The following CCT3 variants were observed in gnomAD, a reference collection of about 807,000 sequenced individuals.
The protein encoded by CCT3 is T-complex protein 1 subunit gamma.
A neutral mutation model predicts 65.3 loss-of-function variants in CCT3; 10 were observed. The ratio of observed to expected loss-of-function variants is 0.15; its 90% CI spans 0.09 to 0.26. The LOEUF (loss-of-function observed/expected upper bound fraction) is 0.26, where lower values mean the gene tolerates loss of function less well. CCT3 is among the 10% of genes least tolerant of loss of function. The probability of loss-of-function intolerance (pLI) is 1.00; values close to 1 mark genes in which losing one functional copy is unlikely to be tolerated. For missense variants in CCT3, 626 were observed against 708.7 expected (o/e 0.88, Z 1.33); for synonymous variants, 225 against 242.3 (o/e 0.93, Z 0.66).
intron 11 of CCT3, 104 bp from the exon 12 acceptor site, chr1:156,311,299 A>T: frequency 8.7e-7 from 1 of 1,154,146 alleles, no homozygotes; most frequent in East Asian, 2.4e-5. Flanking sequence ...ACCACCAAGG[A>T]GGGCAACTAG....
In CCT3 at chr1:156,338,143, C is replaced by G; in HGVS notation, c.31+11G>C. The G allele has an allele frequency of 1.3e-6, 2 of 1,583,652 alleles. No homozygotes were observed. Among genetic ancestry groups the G allele is most frequent in the South Asian group, 2.3e-5 (2 of 86,162 alleles). Reference sequence around the variant, plus strand: ...AAAGGGGGTCCATTTCCTGGCATCCCCAGAACTCACTGAGCACGAGCACTG... The same window carrying G: ...AAAGGGGGTCCATTTCCTGGCATCCGCAGAACTCACTGAGCACGAGCACTG... On this transcript the variant is annotated intron_variant, in intron 1 of 13. Transcript: ENST00000295688.
At chr1:156,333,684 A>AG (rs1378270560) in intron 4 of CCT3, 41 bp from the exon 5 acceptor site, 1 of 1,455,252 alleles carries the variant, frequency 6.9e-7, no homozygotes, top group South Asian at 1.1e-5. Context: ...CTATTCAAAG[A>AG]CCTCTGAACT....
chr1:156,324,966 A>G lies in CCT3; in HGVS notation c.422+6T>C, dbSNP rs374609557. On this transcript the variant is annotated splice_donor_region_variant and intron_variant, in intron 6 of 13. Transcript: ENST00000295688. ...TGATACTACCTATTTCTTGCCCCCA[A>G]GATACCTTATTTTCTTTAGGGTGCT... 7.6e-5 allele frequency: 120 copies of G among 1,585,926 alleles called. No homozygotes were observed. The highest frequency in any genetic ancestry group is 3.5e-4 in the Admixed American group (21 of 59,918).
chr1:156,322,119 T>C (rs1664581767), intron 6 of CCT3, among the ~76,000 whole-genome samples: 1 of 152,184 alleles, frequency 6.6e-6, no homozygotes, highest in South Asian at 2.1e-4. Flanking sequence ...GACATACCTA[T>C]AGTCCTAGCT....
At chr1:156,310,907 C>T (rs1664059804) in intron 12 of CCT3, 43 bp downstream of exon 12, 5 of 1,597,036 alleles carry the variant, frequency 3.1e-6, no homozygotes, top group Non-Finnish European at 1.7e-6. Flanking sequence ...GCAAACACAG[C>T]TTTCCCTGCT....
chr1:156,333,494 G>T, intron 5 of CCT3, 53 bp downstream of exon 5: 2 of 1,241,500 alleles, frequency 1.6e-6, no homozygotes, highest in South Asian at 1.2e-5. Flanking sequence ...CTTAAAATAT[G>T]ACACAGGTGT....
rs747605804 is a variant in CCT3, at chr1:156,310,952, G to A, written c.1399C>T (p.Arg467Trp). 14 of 1,613,498 alleles carry A rather than the reference G, an allele frequency of 8.7e-6. No individual in the cohort carries two copies. The highest frequency in any genetic ancestry group is 2.2e-5 in the South Asian group (2 of 91,060). ...GAAAAGCTTGGAGAGGAACTCACCCGAAGGGAGGTAAGTAGACGGATGGTG... is the reference window on the plus strand; with the variant it reads ...GAAAAGCTTGGAGAGGAACTCACCCAAAGGGAGGTAAGTAGACGGATGGTG... ...ASTIRLLTSL[R>W]AKHTQENCET... The change falls in exon 12 of 14, where the codon CGG becomes TGG. Residue 467 changes from arginine to tryptophan, a missense_variant and splice_region_variant. Transcript: ENST00000295688.
In CCT3 at chr1:156,309,225, C is replaced by T. The variant is rs368760301; in HGVS notation, c.1612G>A (p.Gly538Arg). Residue 538 changes from glycine to arginine, a missense_variant, in exon 14 of 14, where the codon GGG becomes AGG. Coordinates refer to ENST00000295688, the MANE Select transcript of CCT3 (RefSeq NM_005998.5). ...KKGDDQSRQG[G>R]APDAGQE ...CACTCCTGGCCAGCATCAGGAGCCC[C>T]GCCTTGCCGGCTCTGGTCATCGCCT... 3.3e-5 allele frequency: 53 copies of T among 1,613,612 alleles called. No homozygotes were observed. The highest frequency in any genetic ancestry group is 1.6e-4 in the South Asian group (15 of 91,076).
intron 5 of CCT3, among the ~76,000 whole-genome samples, chr1:156,332,488 ATT>A (rs1313958884): frequency 6.6e-6 from 1 of 152,142 alleles, no homozygotes; most frequent in African/African-American, 2.4e-5. Flanking sequence ...TAAAGATTTC[ATT>A]TCTTATTATT....
intron 5 of CCT3, among the ~76,000 whole-genome samples, chr1:156,332,311 T>C (rs1192729109): frequency 1.3e-5 from 2 of 152,170 alleles, no homozygotes; most frequent in East Asian, 3.9e-4. Flanking sequence ...CACACTTGGT[T>C]GCAATCAGAT....
At chr1:156,315,558 A>G (rs919118171) in intron 10 of CCT3, among the ~76,000 whole-genome samples, 3 of 152,216 alleles carry the variant, frequency 2.0e-5, no homozygotes, top group Non-Finnish European at 4.4e-5. Context: ...ATTTAAGGGA[A>G]TACAGTATAT....
chr1:156,329,305 T>TTC (rs1230024023), intron 5 of CCT3, among the ~76,000 whole-genome samples: 6 of 82,570 alleles, frequency 7.3e-5, no homozygotes, highest in Non-Finnish European at 1.6e-4. Context: ...ATCCCCATCT[T>TTC]TTTTTTTTTT....
intron 7 of CCT3, among the ~76,000 whole-genome samples, chr1:156,320,334 G>A (rs1664494944): frequency 6.6e-6 from 1 of 152,180 alleles, no homozygotes; most frequent in Admixed American, 6.6e-5. Flanking sequence ...CTCGAACCCG[G>A]GAGGTGGAGG....
chr1:156,313,403 T>C (rs181304576), intron 10 of CCT3, among the ~76,000 whole-genome samples: 1 of 147,322 alleles, frequency 6.8e-6, no homozygotes, highest in African/African-American at 2.5e-5. Context: ...GGAGAAATGG[T>C]ATCTGCCTAA....
At chr1:156,333,744 C>T (rs937825253) in intron 4 of CCT3, 101 bp from the exon 5 acceptor site, 10 of 783,672 alleles carry the variant, frequency 1.3e-5, no homozygotes, top group African/African-American at 1.7e-5. Context: ...TACGTACTTA[C>T]TTTCCCTTTA....
At chr1:156,331,448 C>T (rs1452255442) in intron 5 of CCT3, among the ~76,000 whole-genome samples, 1 of 152,062 alleles carries the variant, frequency 6.6e-6, no homozygotes, top group Non-Finnish European at 1.5e-5. Flanking sequence ...TTTGGAAGGC[C>T]GAGGTTGTCA....
At chr1:156,337,861 G>A (rs1665507125) in intron 1 of CCT3, 2 of 503,810 alleles carry the variant, frequency 4.0e-6, no homozygotes, top group Non-Finnish European at 7.1e-6. Context: ...AGGGCGCAGG[G>A]GCGGGGGAAG....
At chr1:156,309,449 G>A (rs566471745) in intron 13 of CCT3, 146 bp from the exon 14 acceptor site, 19 of 608,034 alleles carry the variant, frequency 3.1e-5, no homozygotes, top group South Asian at 1.1e-4. Flanking sequence ...TTTTTGAGAC[G>A]CAGTTTCCCT....
chr1:156,334,831 A>G, intron 3 of CCT3, 37 bp downstream of exon 3: 1 of 1,613,950 alleles, frequency 6.2e-7, no homozygotes, highest in Non-Finnish European at 8.5e-7. Context: ...GAAGAAAAAA[A>G]TTGTAGCCTA....
Sources: gnomAD v4.1 joint callset for allele counts (sites outside exome capture counted in the v4.1 genomes callset) on GRCh38, gnomAD v4.1.1 for gene constraint, MANE v1.5 for transcripts, NCBI Gene and HGNC (gene_info 2026-07-23, HGNC 2026-07-21) for gene names.